Variants in RNF144A observed in about 807,000 individuals in gnomAD.
The protein encoded by RNF144A is E3 ubiquitin-protein ligase RNF144A.
A neutral mutation model predicts 38.7 loss-of-function variants in RNF144A; 11 were observed. The observed-to-expected ratio is 0.28, with a 90% CI of 0.18 to 0.47. The LOEUF is 0.47. Among genes scored for constraint, RNF144A ranks in the 20% least tolerant of loss-of-function variants. The probability of loss-of-function intolerance (pLI) is 0.99; values close to 1 mark genes in which losing one functional copy is unlikely to be tolerated. For synonymous variants in RNF144A, 149 were observed against 143.9 expected, an observed-to-expected ratio of 1.04 and a Z score of -0.25; for missense variants, 316 against 377.2, an observed-to-expected ratio of 0.84 and a Z score of 1.34.
chr2:6,931,081 C>T (rs1665182487), intron 1 of RNF144A, among the ~76,000 whole-genome samples: 1 of 152,034 alleles, frequency 6.6e-6, no homozygotes, highest in Non-Finnish European at 1.5e-5. Flanking sequence ...ACCTGCAGGT[C>T]TGACTGAGTA....
chr2:7,025,466 G>A (rs1381503792), intron 7 of RNF144A, among the ~76,000 whole-genome samples: 1 of 152,188 alleles, frequency 6.6e-6, no homozygotes, highest in Middle Eastern at 3.2e-3. Flanking sequence ...CTGCGGTCAG[G>A]AGTTCAAGAC....
intron 1 of RNF144A, among the ~76,000 whole-genome samples, chr2:6,927,494 G>A (rs1664950463): frequency 6.6e-6 from 1 of 152,160 alleles, no homozygotes; most frequent in African/African-American, 2.4e-5. Flanking sequence ...GTGTCCTGCT[G>A]GCCTGGCAGA....
Position 7,041,249 on chromosome 2 carries a change from C to T in RNF144A, c.*1489C>T, listed in dbSNP as rs556336612. 329 of 985,510 alleles carry T rather than the reference C, an allele frequency of 3.3e-4. No homozygotes were observed. The highest frequency in any genetic ancestry group is 3.9e-4 in the Non-Finnish European group (327 of 829,914). The allele number at this position is 985,510 out of a possible 1,614,324, so 61.0% of individuals were successfully genotyped here. A position where few individuals can be genotyped will look rare whatever the true frequency, so the allele number is the denominator to read the frequency against. ...TCACAAGCACATTTTTAAAATGTTG[C>T]TTTGTGTGTGTTTGACTTCTGCATT... On this transcript the variant is annotated 3_prime_UTR_variant, in exon 9 of 9. Transcript: ENST00000320892.
intron 2 of RNF144A, among the ~76,000 whole-genome samples, chr2:6,976,457 T>C (rs1358025348): frequency 6.6e-6 from 1 of 152,062 alleles, no homozygotes; most frequent in South Asian, 2.1e-4. Context: ...TATAAAGTTA[T>C]GTATGTATTA....
chr2:7,069,782 C>T (rs1558474895), downstream of RNF144A, among the ~76,000 whole-genome samples: 3 of 152,124 alleles, frequency 2.0e-5, no homozygotes, highest in Admixed American at 6.5e-5. Flanking sequence ...TGTAAAAAGC[C>T]CTCAATAAGG....
chr2:6,981,158 C>G (rs575290990), intron 2 of RNF144A, among the ~76,000 whole-genome samples: 1 of 152,302 alleles, frequency 6.6e-6, no homozygotes, highest in Non-Finnish European at 1.5e-5. Flanking sequence ...GAGGAGTTGC[C>G]TTGAAGATCT....
chr2:7,052,907 A>G (rs1572485044), intron 6 of RNF144A, among the ~76,000 whole-genome samples: 1 of 151,914 alleles, frequency 6.6e-6, no homozygotes, highest in Admixed American at 6.6e-5. Flanking sequence ...AGTTTCCTTT[A>G]TTTCGCTTTA....
Position 7,039,889 on chromosome 2 carries a change from G to T in RNF144A, c.*129G>T. On this transcript the variant is annotated 3_prime_UTR_variant, in exon 9 of 9. Coordinates refer to ENST00000320892, the MANE Select transcript of RNF144A (RefSeq NM_014746.6). ...GCCCCATTGAGCTTCACAGTGTCAG[G>T]CTGGACGCCGTGATTTCAGGGACCT... 1.4e-6 allele frequency: 2 copies of T among 1,455,822 alleles called. No individual in the cohort carries two copies. Among genetic ancestry groups the T allele is most frequent in the Non-Finnish European group, 9.1e-7 (1 of 1,103,746 alleles). The allele number at this position is 1,455,822 out of a possible 1,614,324, so 90.2% of individuals were successfully genotyped here.
At chr2:7,000,123 C>T (rs1293953276) in intron 3 of RNF144A, among the ~76,000 whole-genome samples, 2 of 152,200 alleles carry the variant, frequency 1.3e-5, no homozygotes, top group South Asian at 2.1e-4. Flanking sequence ...GTGGATTCTT[C>T]GTGATTCTCT....
At chr2:6,981,729 A>C (rs534297458) in intron 2 of RNF144A, among the ~76,000 whole-genome samples, 94 of 151,954 alleles carry the variant, frequency 6.2e-4, no homozygotes, top group Non-Finnish European at 1.1e-3. Context: ...ATCTGTTCCA[A>C]CTCTGCCTGT....
chr2:6,971,670 T>G (rs1013888182), intron 2 of RNF144A, among the ~76,000 whole-genome samples: 2 of 152,174 alleles, frequency 1.3e-5, no homozygotes, highest in Non-Finnish European at 2.9e-5. Flanking sequence ...TACCTGGGCC[T>G]TGGAATCCTG....
chr2:7,044,435 G>T (rs932553886), downstream of RNF144A, among the ~76,000 whole-genome samples: 3 of 152,176 alleles, frequency 2.0e-5, no homozygotes, highest in Middle Eastern at 6.3e-3. Context: ...TTTGTTGGGT[G>T]TATCAACCCG....
In RNF144A at chr2:7,013,417, C is replaced by A. The variant is rs114252989; in HGVS notation, c.136-1037C>A. ...ACGTTTTTGCGGGGAGATGTCAGCT[C>A]AGCAAACATAGCTTATTAATTTTTC... On this transcript the variant is annotated intron_variant, in intron 3 of 8. Coordinates refer to ENST00000320892, the MANE Select transcript of RNF144A (RefSeq NM_014746.6). Among the ~76,000 whole-genome samples, 320 of 152,290 alleles carry A rather than the reference C, an allele frequency of 2.1e-3. 1 individual carries two copies. The highest frequency in any genetic ancestry group is 7.4e-3 in the African/African-American group (306 of 41,554).
intron 2 of RNF144A, among the ~76,000 whole-genome samples, chr2:6,973,726 A>G (rs888037802): frequency 2.0e-5 from 3 of 152,248 alleles, no homozygotes; most frequent in African/African-American, 7.2e-5. Flanking sequence ...GAAAATCATC[A>G]GTACCCACCA....
chr2:6,929,962 A>G (rs971710906), intron 1 of RNF144A, among the ~76,000 whole-genome samples: 1 of 152,256 alleles, frequency 6.6e-6, no homozygotes, highest in Non-Finnish European at 1.5e-5. Flanking sequence ...GGCTCAGCAG[A>G]AAGAATGAAT....
chr2:7,034,357 G>A (rs775561894), intron 8 of RNF144A, among the ~76,000 whole-genome samples: 1 of 152,144 alleles, frequency 6.6e-6, no homozygotes, highest in Non-Finnish European at 1.5e-5. Context: ...GTGTCAAGCT[G>A]TAGCAAGCGA....
chr2:6,937,233 A>C (rs1437382505), intron 1 of RNF144A, among the ~76,000 whole-genome samples: 3 of 152,190 alleles, frequency 2.0e-5, no homozygotes, highest in African/African-American at 4.8e-5. Flanking sequence ...TGGATGACAA[A>C]CAACCAAGTG....
At chr2:6,936,709 T>C (rs1166000542) in intron 1 of RNF144A, among the ~76,000 whole-genome samples, 4 of 152,208 alleles carry the variant, frequency 2.6e-5, no homozygotes, top group Non-Finnish European at 5.9e-5. Context: ...GTTCATAATT[T>C]GAAGTAGCAT....
At chr2:6,982,086 C>T (rs760159824) in intron 2 of RNF144A, among the ~76,000 whole-genome samples, 4 of 152,092 alleles carry the variant, frequency 2.6e-5, no homozygotes, top group Non-Finnish European at 5.9e-5. Flanking sequence ...GGGAAACTGC[C>T]CCCCATGATC....
Sources: allele counts gnomAD v4.1 joint callset (sites outside exome capture counted in the v4.1 genomes callset), GRCh38; gene constraint gnomAD v4.1.1; transcripts MANE v1.5; gene names NCBI Gene and HGNC (gene_info 2026-07-23, HGNC 2026-07-21).